Variants in SYNE1 observed in about 807,000 individuals in gnomAD.
SYNE1 encodes spectrin repeat containing nuclear envelope protein 1.
A neutral mutation model predicts 1,111.0 loss-of-function variants in SYNE1; 616 were observed. The ratio of observed to expected loss-of-function variants is 0.55; its 90% CI spans 0.52 to 0.59. SYNE1 has a LOEUF of 0.59. Ranked by LOEUF, SYNE1 falls within the 20% of genes least tolerant of loss-of-function variation. The pLI, the probability that SYNE1 is intolerant of heterozygous loss-of-function variation, is 0.00. For missense variants in SYNE1, 10,006 were observed against 10,417.0 expected, an observed-to-expected ratio of 0.96 and a Z score of 1.72; for synonymous variants, 3,855 against 3,825.8, an observed-to-expected ratio of 1.01 and a Z score of -0.28.
intron 76 of SYNE1, among the ~76,000 whole-genome samples, chr6:152,334,769 C>T (rs972301484): frequency 6.6e-6 from 1 of 152,200 alleles, no homozygotes; most frequent in Non-Finnish European, 1.5e-5. Context: ...TTAACCTGTT[C>T]CCTTAACTAA....
chr6:152,268,647 A>G (rs1170973040), intron 99 of SYNE1, among the ~76,000 whole-genome samples: 1 of 152,220 alleles, frequency 6.6e-6, no homozygotes, highest in African/African-American at 2.4e-5. Context: ...TGCTTTTTAC[A>G]TACAGTTAAG....
intron 3 of SYNE1, among the ~76,000 whole-genome samples, chr6:152,566,254 AAC>A (rs765959381): frequency 5.3e-5 from 8 of 152,258 alleles, no homozygotes; most frequent in Middle Eastern, 3.4e-3. Context: ...GACGCAAGGT[AAC>A]ACAGAGATGC....
In SYNE1 at chr6:152,453,612, C is replaced by T. The variant is rs760903677; in HGVS notation, c.3001G>A (p.Val1001Ile). Residue 1001 changes from valine to isoleucine, a missense_variant, in exon 25 of 146, where the codon GTT becomes ATT. By Grantham distance (29) the Val-to-Ile change is conservative. Around this residue, in one of 7 missense-constraint regions of SYNE1, gnomAD observed 1,971 missense variants for 2,084.1 expected, o/e 0.95. Transcript: ENST00000367255. ...TTCCATTGTTTGTGGAGCTTTCGAA[C>T]AGCTTCCTGCAGCCCCTGCTGCTCC... ...EQEQQGLQEAVRKLHKQWKDL... is the reference protein window; with the variant it reads ...EQEQQGLQEAIRKLHKQWKDL... The T allele has an allele frequency of 6.2e-7, 1 of 1,614,240 alleles. No homozygotes were observed. The highest frequency in any genetic ancestry group is 1.1e-5 in the South Asian group (1 of 91,090).
intron 3 of SYNE1, among the ~76,000 whole-genome samples, chr6:152,599,816 A>T (rs1190265431): frequency 6.6e-6 from 1 of 152,200 alleles, no homozygotes; most frequent in Non-Finnish European, 1.5e-5. Flanking sequence ...TCATATACGT[A>T]TCCTATAGCA....
intron 130 of SYNE1, among the ~76,000 whole-genome samples, chr6:152,171,419 C>CT (rs1294312784): frequency 6.6e-6 from 1 of 152,204 alleles, no homozygotes; most frequent in Non-Finnish European, 1.5e-5. Context: ...AGGTCAGGGG[C>CT]TGGGACTACT....
intron 131 of SYNE1, among the ~76,000 whole-genome samples, chr6:152,162,549 T>C (rs530232556): frequency 5.9e-5 from 9 of 152,358 alleles, no homozygotes; most frequent in Admixed American, 2.0e-4. Flanking sequence ...ATCATTACCA[T>C]GTTCTCTGGA....
At position 152,364,066 on chromosome 6, in the gene SYNE1, T is replaced by C. The variant is rs551948882; in HGVS notation, c.10145+781A>G. 1.4e-4 allele frequency among the ~76,000 whole-genome samples: 22 copies of C among 152,216 alleles called. No homozygotes were observed. The East Asian group carries it at 3.3e-3, about 23-fold the overall frequency. ...GGAGGTAATTGAATCATGGGGGTGGTTTCCCCCATGCTGTTCTCGTGATAG... is the reference window on the plus strand; with the variant it reads ...GGAGGTAATTGAATCATGGGGGTGGCTTCCCCCATGCTGTTCTCGTGATAG... On this transcript the variant is annotated intron_variant, in intron 63 of 145. Transcript: ENST00000367255.
At chr6:152,577,501 C>T (rs551583784) in intron 3 of SYNE1, among the ~76,000 whole-genome samples, 2 of 152,124 alleles carry the variant, frequency 1.3e-5, no homozygotes, top group Admixed American at 1.3e-4. Flanking sequence ...GGCATGGTGG[C>T]GGGCGCCTGT....
At chr6:152,536,075 A>G (rs901626480) in intron 4 of SYNE1, among the ~76,000 whole-genome samples, 5 of 151,584 alleles carry the variant, frequency 3.3e-5, no homozygotes, top group African/African-American at 4.8e-5. Context: ...CCTATTCCCA[A>G]TGCTAGTCTC....
At chr6:152,221,183 G>GT in intron 118 of SYNE1, 137 bp from the exon 119 acceptor site, 1 of 1,138,376 alleles carries the variant, frequency 8.8e-7, no homozygotes, top group Non-Finnish European at 1.3e-6. Context: ...AAAAATTAAT[G>GT]TTTCATATTC....
chr6:152,335,530 CTTA>C (rs958255472), intron 76 of SYNE1: 30 of 152,118 alleles, frequency 2.0e-4, no homozygotes, highest in African/African-American at 6.7e-4. Flanking sequence ...AAAAATAAAT[CTTA>C]TTATCCCGAT....
intron 128 of SYNE1, among the ~76,000 whole-genome samples, chr6:152,183,516 G>A (rs755041212): frequency 4.6e-5 from 7 of 152,016 alleles, no homozygotes; most frequent in East Asian, 1.9e-4. Context: ...CAGGAGAATC[G>A]CTTGAGCCCG....
intron 49 of SYNE1, 47 bp from the exon 50 acceptor site, chr6:152,397,027 A>C: frequency 6.3e-7 from 1 of 1,577,304 alleles, no homozygotes; most frequent in Non-Finnish European, 8.7e-7. Context: ...TATGCATTAC[A>C]ATTGTGAGCT....
intron 55 of SYNE1, 85 bp from the exon 56 acceptor site, chr6:152,381,447 T>G: frequency 6.5e-6 from 9 of 1,377,088 alleles, no homozygotes; most frequent in Non-Finnish European, 8.2e-6. Context: ...AGGGGGACCC[T>G]GTCCTGCCAG....
At chr6:152,291,398 A>T (rs1589430777) in intron 95 of SYNE1, among the ~76,000 whole-genome samples, 1 of 151,936 alleles carries the variant, frequency 6.6e-6, no homozygotes, top group African/African-American at 2.4e-5. Context: ...GACTACTACC[A>T]ACTTAGAAAG....
At chr6:152,548,136 C>A (rs1001277009) in intron 3 of SYNE1, among the ~76,000 whole-genome samples, 2 of 152,182 alleles carry the variant, frequency 1.3e-5, no homozygotes, top group African/African-American at 4.8e-5. Context: ...CCACAGCAGC[C>A]TCATATGTGT....
intron 11 of SYNE1, among the ~76,000 whole-genome samples, chr6:152,494,362 C>A (rs950488719): frequency 6.6e-6 from 1 of 152,156 alleles, no homozygotes; most frequent in Non-Finnish European, 1.5e-5. Context: ...CCACACCTGA[C>A]CCCCATGATT....
intron 3 of SYNE1, among the ~76,000 whole-genome samples, chr6:152,561,072 A>G (rs1564856180): frequency 6.6e-6 from 1 of 152,132 alleles, no homozygotes; most frequent in East Asian, 1.9e-4. Flanking sequence ...TTCCTACCCA[A>G]ATCAATTAAG....
At chr6:152,455,368 C>G in intron 24 of SYNE1, 58 bp downstream of exon 24, 1 of 1,563,436 alleles carries the variant, frequency 6.4e-7, no homozygotes, top group Non-Finnish European at 8.7e-7. Context: ...TTTAAGCTTT[C>G]CTCCAAGGTT....
Sources: allele counts gnomAD v4.1 joint callset (sites outside exome capture counted in the v4.1 genomes callset), GRCh38; gene constraint gnomAD v4.1.1; regional missense constraint gnomAD v4.1.1; transcripts MANE v1.5; gene names NCBI Gene and HGNC (gene_info 2026-07-23, HGNC 2026-07-21).